COL19A1: variants seen among roughly 807,000 people sequenced by gnomAD.
COL19A1 encodes collagen alpha-1(XIX) chain.
In COL19A1, 159 loss-of-function variants were observed where a neutral mutation model predicts 190.2. The observed-to-expected ratio is 0.84, with a 90% CI of 0.73 to 0.95. The LOEUF is 0.95. Among genes scored for constraint, COL19A1 ranks in the 40% least tolerant of loss-of-function variants. COL19A1 has a pLI of 0.00. For synonymous variants in COL19A1, 509 were observed against 458.9 expected (o/e 1.11, Z -1.39); for missense variants, 1,418 against 1,431.9 (o/e 0.99, Z 0.16).
At chr6:70,080,108 T>A (rs951595129) in intron 15 of COL19A1, among the ~76,000 whole-genome samples, 1 of 152,226 alleles carries the variant, frequency 6.6e-6, no homozygotes, top group East Asian at 1.9e-4. Flanking sequence ...AAATAAAGGC[T>A]TATTGCATAT....
Position 70,184,852 on chromosome 6 carries a change from G to A in COL19A1, c.2812-19G>A. 6.2e-7 allele frequency: 1 copy of A among 1,612,498 alleles called. No individual in the cohort carries two copies. Among genetic ancestry groups the A allele is most frequent in the Non-Finnish European group, 8.5e-7 (1 of 1,179,386 alleles). On this transcript the variant is annotated intron_variant, in intron 45 of 50. Transcript: ENST00000620364. ...AATCTTGGCAAGGAGTGATTTTCAT[G>A]TTGACATCTGTTTTTCAGGGCATCA... is the stretch of plus-strand genomic sequence containing the variant.
At chr6:70,047,905 GGTAGAACA>G in intron 14 of COL19A1, among the ~76,000 whole-genome samples, 1 of 152,164 alleles carries the variant, frequency 6.6e-6, no homozygotes, top group East Asian at 1.9e-4. Context: ...GGTGAAGGAA[GGTAGAACA>G]GTGCTATTTC....
At chr6:69,875,341 T>G (rs1768072055) in intron 1 of COL19A1, among the ~76,000 whole-genome samples, 1 of 152,124 alleles carries the variant, frequency 6.6e-6, no homozygotes, top group Non-Finnish European at 1.5e-5. Context: ...TGGACTACAT[T>G]CAAAGTACAA....
intron 9 of COL19A1, among the ~76,000 whole-genome samples, chr6:69,951,816 GA>G (rs1199057884): frequency 6.6e-6 from 1 of 151,632 alleles, no homozygotes; most frequent in East Asian, 1.9e-4. Context: ...GAGAGAGAGG[GA>G]AAAAAAATTA....
chr6:69,964,054 G>A (rs1359780729), intron 11 of COL19A1, among the ~76,000 whole-genome samples: 5 of 152,120 alleles, frequency 3.3e-5, no homozygotes, highest in South Asian at 2.1e-4. Context: ...TATGGAATTG[G>A]ATGGCCAGGA....
intron 16 of COL19A1, among the ~76,000 whole-genome samples, chr6:70,108,728 A>C (rs1784112731): frequency 6.6e-6 from 1 of 151,846 alleles, no homozygotes; most frequent in South Asian, 2.1e-4. Flanking sequence ...TACCAATAAA[A>C]CTCTGCAGCA....
intron 17 of COL19A1, among the ~76,000 whole-genome samples, chr6:70,127,077 G>A (rs962838396): frequency 6.6e-6 from 1 of 152,144 alleles, no homozygotes; most frequent in African/African-American, 2.4e-5. Flanking sequence ...TAATAGTTGA[G>A]ACTTGATTAA....
At chr6:69,968,421 A>G (rs1775242980) in intron 11 of COL19A1, among the ~76,000 whole-genome samples, 1 of 152,108 alleles carries the variant, frequency 6.6e-6, no homozygotes, top group South Asian at 2.1e-4. Context: ...CATTTTGTTC[A>G]TTTATTTCAG....
At chr6:70,132,873 A>C (rs955453569) in intron 18 of COL19A1, among the ~76,000 whole-genome samples, 10 of 152,190 alleles carry the variant, frequency 6.6e-5, no homozygotes, top group African/African-American at 2.4e-4. Context: ...CTAAGCATGC[A>C]TTTCCTCATT....
chr6:70,010,518 G>T (rs113382749), intron 11 of COL19A1, among the ~76,000 whole-genome samples: 1 of 137,508 alleles, frequency 7.3e-6, no homozygotes, highest in African/African-American at 3.2e-5. Flanking sequence ...GTGCGCGAGC[G>T]GAAGCAGGGC....
intron 11 of COL19A1, among the ~76,000 whole-genome samples, chr6:69,980,386 A>G (rs1270399683): frequency 2.6e-5 from 4 of 152,146 alleles, no homozygotes; most frequent in Non-Finnish European, 5.9e-5. Flanking sequence ...AAACTATTTT[A>G]TACCCTATAT....
At chr6:69,885,520 C>G (rs1582280538) in intron 2 of COL19A1, among the ~76,000 whole-genome samples, 1 of 152,200 alleles carries the variant, frequency 6.6e-6, no homozygotes, top group Non-Finnish European at 1.5e-5. Flanking sequence ...ATCTCAAATG[C>G]AATACAATTT....
At chr6:70,204,685 T>C (rs1021029547) in intron 49 of COL19A1, among the ~76,000 whole-genome samples, 4 of 152,202 alleles carry the variant, frequency 2.6e-5, no homozygotes, top group Admixed American at 2.6e-4. Context: ...TATTCTTCAT[T>C]TGGAATTGCG....
intron 13 of COL19A1, 34 bp from the exon 14 acceptor site, chr6:70,035,870 G>A (rs373509879): frequency 6.3e-7 from 1 of 1,592,440 alleles, no homozygotes; most frequent in African/African-American, 1.3e-5. Flanking sequence ...AAAGGGACTA[G>A]TGGTAATTGT....
chr6:70,116,317 C>A (rs1319583345), intron 16 of COL19A1, among the ~76,000 whole-genome samples: 1 of 152,168 alleles, frequency 6.6e-6, no homozygotes, highest in East Asian at 1.9e-4. Context: ...AAATGGCTTT[C>A]TCCACAGACT....
At chr6:70,077,709 G>T (rs12204245) in intron 15 of COL19A1, among the ~76,000 whole-genome samples, 4 of 152,038 alleles carry the variant, frequency 2.6e-5, no homozygotes, top group Non-Finnish European at 5.9e-5. Context: ...TCTTATGTGA[G>T]AGATGTTAAC....
intron 14 of COL19A1, among the ~76,000 whole-genome samples, chr6:70,041,838 G>A (rs1379647338): frequency 6.6e-6 from 1 of 152,018 alleles, no homozygotes; most frequent in African/African-American, 2.4e-5. Context: ...GATCACTTGA[G>A]GTGAGGAGTT....
intron 14 of COL19A1, among the ~76,000 whole-genome samples, chr6:70,042,459 T>G (rs1009015325): frequency 6.6e-6 from 1 of 152,236 alleles, no homozygotes; most frequent in Non-Finnish European, 1.5e-5. Context: ...AATACTTTAT[T>G]GCTAAAAAAT....
chr6:69,958,502 A>T (rs1262321845), intron 9 of COL19A1, among the ~76,000 whole-genome samples: 2 of 152,212 alleles, frequency 1.3e-5, no homozygotes, highest in Non-Finnish European at 2.9e-5. Flanking sequence ...AGTTTCTAAT[A>T]GATTTGTGTG....
Sources: gnomAD v4.1 joint callset for allele counts (sites outside exome capture counted in the v4.1 genomes callset) on GRCh38, gnomAD v4.1.1 for gene constraint, MANE v1.5 for transcripts, NCBI Gene and HGNC (gene_info 2026-07-23, HGNC 2026-07-21) for gene names.